ZNF385D: variants seen among roughly 807,000 people sequenced by gnomAD.
The protein encoded by ZNF385D is zinc finger protein 659.
ZNF385D carries 15 observed loss-of-function variants against 35.8 expected under a neutral mutation model. The observed-to-expected ratio is 0.42, with a 90% confidence interval of 0.28 to 0.64. The LOEUF is 0.64. Among genes scored for constraint, ZNF385D ranks in the 30% least tolerant of loss-of-function variants. The pLI is 0.23. For synonymous variants in ZNF385D, 212 were observed against 186.8 expected (o/e 1.13, Z -1.10); for missense variants, 474 against 494.6 (o/e 0.96, Z 0.39).
At chr3:22,291,389 A>C (rs62247261) in intron 2 of ZNF385D, among the ~76,000 whole-genome samples, 3,278 of 152,186 alleles carry the variant, frequency 0.022, 95 homozygotes, top group East Asian at 0.12. Flanking sequence ...TGAGTCCTAC[A>C]TATTTATTTA....
In ZNF385D at chr3:22,078,221, C is replaced by A. The variant is rs149025472; in HGVS notation, c.325+90596G>T. On this transcript the variant is annotated intron_variant, in intron 3 of 5. Transcript: ENST00000494108. Reference sequence around the variant, plus strand: ...TTTTAAAAAATAATCACAGCATAGACCCTTTTCAAAAGATATAAATGATTT... The same window carrying A: ...TTTTAAAAAATAATCACAGCATAGAACCTTTTCAAAAGATATAAATGATTT... Among the ~76,000 whole-genome samples the A allele has an allele frequency of 3.1e-4, 47 of 152,018 alleles. 1 individual carries two copies. The East Asian group carries it at 9.1e-3, about 29-fold the overall frequency.
At chr3:21,550,864 G>A (rs879536401) in intron 3 of ZNF385D, among the ~76,000 whole-genome samples, 6 of 152,110 alleles carry the variant, frequency 3.9e-5, no homozygotes, top group African/African-American at 1.4e-4. Flanking sequence ...GGGCTATCAG[G>A]CCTTCAAGCA....
intron 2 of ZNF385D, among the ~76,000 whole-genome samples, chr3:22,190,381 G>C (rs17029476): frequency 0.19 from 29,466 of 152,034 alleles, 2,950 homozygotes; most frequent in African/African-American, 0.21. Flanking sequence ...TTTTGTTGCA[G>C]ATAATTCTAG....
At chr3:22,158,887 T>C (rs962754985) in intron 3 of ZNF385D, among the ~76,000 whole-genome samples, 3 of 152,040 alleles carry the variant, frequency 2.0e-5, no homozygotes, top group African/African-American at 7.2e-5. Flanking sequence ...CTCACCTTTA[T>C]TACTACTAGC....
chr3:21,642,363 G>C (rs2065633337), intron 2 of ZNF385D, among the ~76,000 whole-genome samples: 1 of 151,960 alleles, frequency 6.6e-6, no homozygotes, highest in African/African-American at 2.4e-5. Flanking sequence ...CCAAGTCCTT[G>C]ATTTCCTTGG....
chr3:21,987,366 G>A (rs1223239139), intron 3 of ZNF385D, among the ~76,000 whole-genome samples: 1 of 120,732 alleles, frequency 8.3e-6, no homozygotes, highest in Admixed American at 7.2e-5. Context: ...CAGGTCTGGT[G>A]GTGACAAAAT....
Position 22,056,745 on chromosome 3 carries a change from T to G in ZNF385D, c.325+112072A>C, listed in dbSNP as rs530444635. Among the ~76,000 whole-genome samples the G allele has an allele frequency of 3.2e-4, 48 of 152,352 alleles. No individual in the cohort carries two copies. The South Asian group carries it at 9.1e-3, about 29-fold the overall frequency. The stretch of plus-strand genomic sequence containing the variant: ...GTGGATTAAAACAATTGCCATTTAT[T>G]CTCATGCTTACAGGTCTGAGGGTAG... On this transcript the variant is annotated intron_variant, in intron 3 of 5. Transcript: ENST00000494108.
At chr3:22,313,805 C>T (rs1369862489) in intron 2 of ZNF385D, among the ~76,000 whole-genome samples, 1 of 152,122 alleles carries the variant, frequency 6.6e-6, no homozygotes, top group African/African-American at 2.4e-5. Flanking sequence ...AATTTGTTAT[C>T]CTTCATAACT....
At chr3:22,279,415 A>T (rs775368661) in intron 2 of ZNF385D, among the ~76,000 whole-genome samples, 27 of 151,528 alleles carry the variant, frequency 1.8e-4, no homozygotes, top group Non-Finnish European at 3.5e-4. Context: ...GATTCCTTCC[A>T]GGTTACTGCA....
intron 2 of ZNF385D, among the ~76,000 whole-genome samples, chr3:22,184,816 C>T (rs541292318): frequency 5.3e-5 from 8 of 152,100 alleles, no homozygotes; most frequent in Admixed American, 1.3e-4. Context: ...CAAAACAAAA[C>T]GAAAAAGGAC....
chr3:21,969,493 T>G (rs921874265), intron 3 of ZNF385D, among the ~76,000 whole-genome samples: 1 of 152,208 alleles, frequency 6.6e-6, no homozygotes, highest in Non-Finnish European at 1.5e-5. Flanking sequence ...ATTAAATCTC[T>G]TTCTTTTATA....
At chr3:22,065,223 A>G (rs1463579) in intron 3 of ZNF385D, among the ~76,000 whole-genome samples, 19,835 of 152,174 alleles carry the variant, frequency 0.13, 1,619 homozygotes, top group Middle Eastern at 0.22. Flanking sequence ...TCCTCGTAGG[A>G]CTGGGCAGAT....
chr3:21,887,797 T>G (rs1356532975), intron 3 of ZNF385D, among the ~76,000 whole-genome samples: 1 of 152,092 alleles, frequency 6.6e-6, no homozygotes, highest in Admixed American at 6.6e-5. Context: ...AGATACCATC[T>G]TTTCCTATAT....
intron 2 of ZNF385D, among the ~76,000 whole-genome samples, chr3:22,275,781 T>A (rs1486410957): frequency 6.6e-6 from 1 of 152,098 alleles, no homozygotes; most frequent in Admixed American, 6.6e-5. Flanking sequence ...ATATGCATGT[T>A]CTTTAAAGGT....
At chr3:21,851,598 G>C (rs1696391398) in intron 3 of ZNF385D, among the ~76,000 whole-genome samples, 1 of 151,812 alleles carries the variant, frequency 6.6e-6, no homozygotes, top group South Asian at 2.1e-4. Flanking sequence ...AAGCAAAAAA[G>C]AAAATATCTT....
At chr3:22,249,079 T>C (rs1476360603) in intron 2 of ZNF385D, among the ~76,000 whole-genome samples, 1 of 152,126 alleles carries the variant, frequency 6.6e-6, no homozygotes, top group Non-Finnish European at 1.5e-5. Context: ...CCAGGCATTC[T>C]ACCCACTTCC....
intron 2 of ZNF385D, among the ~76,000 whole-genome samples, chr3:22,243,627 A>T (rs1699610969): frequency 6.6e-6 from 1 of 151,004 alleles, no homozygotes; most frequent in African/African-American, 2.5e-5. Flanking sequence ...AGGTGGAGGC[A>T]ATGAAAATGA....
intron 2 of ZNF385D, among the ~76,000 whole-genome samples, chr3:22,371,850 C>G (rs975212503): frequency 7.9e-5 from 12 of 152,116 alleles, no homozygotes; most frequent in Non-Finnish European, 1.2e-4. Flanking sequence ...CTTGGAGGGA[C>G]GCTTCATATA....
At chr3:22,077,517 T>C (rs1227806035) in intron 3 of ZNF385D, among the ~76,000 whole-genome samples, 1 of 151,986 alleles carries the variant, frequency 6.6e-6, no homozygotes, top group Non-Finnish European at 1.5e-5. Flanking sequence ...ATTCCAGAAA[T>C]TGGTCTTCTT....
Sources: allele counts gnomAD v4.1 joint callset (sites outside exome capture counted in the v4.1 genomes callset), GRCh38; gene constraint gnomAD v4.1.1; transcripts MANE v1.5; gene names NCBI Gene and HGNC (gene_info 2026-07-23, HGNC 2026-07-21).